AAK1: variants seen among roughly 807,000 people sequenced by gnomAD.
AAK1 encodes the protein AP2 associated kinase 1.
In AAK1, 37 loss-of-function variants were observed where a neutral mutation model predicts 116.0. The ratio of observed to expected loss-of-function variants is 0.32; its 90% CI spans 0.25 to 0.42. AAK1 has a LOEUF of 0.42. Ranked by LOEUF, AAK1 falls within the 10% of genes least tolerant of loss-of-function variation. The pLI, the probability that AAK1 is intolerant of heterozygous loss-of-function variation, is 1.00. For synonymous variants in AAK1, 458 were observed against 439.9 expected (o/e 1.04, Z -0.51); for missense variants, 919 against 1,170.6 (o/e 0.79, Z 3.14).
chr2:69,555,249 T>C (rs1443684607), intron 3 of AAK1, among the ~76,000 whole-genome samples: 1 of 152,186 alleles, frequency 6.6e-6, no homozygotes, highest in African/African-American at 2.4e-5. Context: ...GTGGAAGGCA[T>C]TGGTGCCTTA....
At position 69,643,692 on chromosome 2, in the gene AAK1, G is replaced by C. The variant is rs912609360; in HGVS notation, c.-352C>G. 23 of 1,219,824 alleles carry C rather than the reference G, an allele frequency of 1.9e-5. No individual in the cohort carries two copies. The highest frequency in any genetic ancestry group is 2.3e-5 in the Non-Finnish European group (23 of 980,482). The allele number at this position is 1,219,824 out of a possible 1,614,324, so 75.6% of individuals were successfully genotyped here. ...TGCAGCGAGAGCCGGGGCCGCGCTC[G>C]GCTCCCGCCCGCCCGCCAGCTGATC... is the stretch of plus-strand genomic sequence containing the variant. On this transcript the variant is annotated 5_prime_UTR_variant, in exon 1 of 22. Transcript: ENST00000409085.
intron 2 of AAK1, among the ~76,000 whole-genome samples, chr2:69,566,027 T>A (rs1572963179): frequency 6.6e-6 from 1 of 151,602 alleles, no homozygotes. Flanking sequence ...ACTATTCAGG[T>A]GGCAGAGTGT....
rs536158373 is a variant in AAK1 at position 69,474,528 on chromosome 2, T to C, written c.*1341A>G. On this transcript the variant is annotated 3_prime_UTR_variant, in exon 22 of 22. Coordinates refer to ENST00000409085, the MANE Select transcript of AAK1 (RefSeq NM_014911.5). ...ATATCCTAAAGTTAATAAAGAACTA[T>C]GCTTTATTATTTTTTTTTAATCTAG... The C allele has an allele frequency of 1.9e-3, 1,887 of 984,998 alleles. No individual in the cohort carries two copies. Among genetic ancestry groups the C allele is most frequent in the Non-Finnish European group, 2.1e-3 (1,775 of 829,510 alleles). 61.0% of individuals were successfully genotyped at this position (984,998 alleles called of 1,614,324 possible).
chr2:69,620,329 T>G (rs1206523584), intron 2 of AAK1, among the ~76,000 whole-genome samples: 1 of 152,186 alleles, frequency 6.6e-6, no homozygotes, highest in Non-Finnish European at 1.5e-5. Context: ...CATGAGGAAC[T>G]GCCCTCTCTT....
intron 3 of AAK1, among the ~76,000 whole-genome samples, chr2:69,553,574 G>C (rs1324007349): frequency 6.7e-6 from 1 of 149,272 alleles, no homozygotes; most frequent in African/African-American, 2.5e-5. Context: ...TTCCTGAATA[G>C]CTGGGATTAC....
intron 2 of AAK1, among the ~76,000 whole-genome samples, chr2:69,600,896 AC>A (rs2105194768): frequency 6.6e-6 from 1 of 151,848 alleles, no homozygotes; most frequent in East Asian, 1.9e-4. Context: ...TTCAGCAACC[AC>A]CCCCCTGGTC....
intron 17 of AAK1, among the ~76,000 whole-genome samples, chr2:69,489,577 G>A (rs1346467987): frequency 6.6e-6 from 1 of 151,952 alleles, no homozygotes; most frequent in Non-Finnish European, 1.5e-5. Flanking sequence ...AGGACTCACA[G>A]ACATGGAAGG....
chr2:69,563,951 T>C (rs1338815578), intron 2 of AAK1, among the ~76,000 whole-genome samples: 1 of 152,102 alleles, frequency 6.6e-6, no homozygotes, highest in Non-Finnish European at 1.5e-5. Flanking sequence ...CCCAGCACTT[T>C]GGGAGGCCGA....
chr2:69,505,629 G>C lies in AAK1; in HGVS notation c.2209C>G (p.Pro737Ala). 6.2e-7 allele frequency: 1 copy of C among 1,613,724 alleles called. No individual in the cohort carries two copies. Among genetic ancestry groups the C allele is most frequent in the Non-Finnish European group, 8.5e-7 (1 of 1,179,768 alleles). ...KLGGSAESLI[P>A]GFQSTQGDAF... is the part of the protein sequence containing the mutation. ...TCACCTTGGGTTGATTGAAAGCCTGGGATCAAACTCTCAGCTGAGCCTCCA... is the reference window on the plus strand; with the variant it reads ...TCACCTTGGGTTGATTGAAAGCCTGCGATCAAACTCTCAGCTGAGCCTCCA... Residue 737 changes from proline to alanine, a missense_variant, in exon 16 of 22, where the codon CCA becomes GCA. This residue lies in a region of AAK1 where 263 missense variants were observed against 285.5 expected (regional missense o/e 0.92). Coordinates refer to ENST00000409085, the MANE Select transcript of AAK1 (RefSeq NM_014911.5).
chr2:69,542,474 A>G (rs759738635), intron 5 of AAK1, 49 bp downstream of exon 5: 2 of 1,607,132 alleles, frequency 1.2e-6, no homozygotes, highest in South Asian at 1.1e-5. Flanking sequence ...CCTGGGGCAG[A>G]CAGAAAATAT....
chr2:69,561,768 G>A lies in AAK1; in HGVS notation c.164-4790C>T, dbSNP rs571094863. The stretch of plus-strand genomic sequence containing the variant: ...CTCCCCTCCCCTCCCTCACCACCCC[G>A]TGTATTAAATAACTTTGGATCTGCT... On this transcript the variant is annotated intron_variant, in intron 2 of 21. Transcript: ENST00000409085. Among the ~76,000 whole-genome samples the A allele has an allele frequency of 1.4e-4, 22 of 152,058 alleles. No homozygotes were observed. In the South Asian group the frequency reaches 2.5e-3, roughly 17 times the overall value.
At chr2:69,560,732 G>A (rs940438342) in intron 2 of AAK1, among the ~76,000 whole-genome samples, 5 of 152,058 alleles carry the variant, frequency 3.3e-5, no homozygotes, top group Admixed American at 6.5e-5. Flanking sequence ...CCTAATTGTT[G>A]ATGGAGATGT....
intron 13 of AAK1, among the ~76,000 whole-genome samples, chr2:69,509,905 T>A (rs1048134214): frequency 1.3e-5 from 2 of 152,186 alleles, no homozygotes; most frequent in African/African-American, 4.8e-5. Flanking sequence ...AATGAAGACG[T>A]ATCTCCAGCG....
At chr2:69,530,356 ATAAG>A (rs1203091580) in intron 7 of AAK1, among the ~76,000 whole-genome samples, 5 of 152,244 alleles carry the variant, frequency 3.3e-5, no homozygotes, top group Admixed American at 3.3e-4. Context: ...CCAGTAAATA[ATAAG>A]TATTTACCTG....
chr2:69,469,547 C>G lies in AAK1; in HGVS notation c.*6322G>C. On this transcript the variant is annotated 3_prime_UTR_variant, in exon 22 of 22. Transcript: ENST00000409085. ...GATTTATACTAACCTAACCACATGC[C>G]TTGACCCAGTTCCTTTGGTAACCAA... is the stretch of plus-strand genomic sequence containing the variant. 1 of 985,412 alleles carries G rather than the reference C, an allele frequency of 1.0e-6. No homozygotes were observed. The highest frequency in any genetic ancestry group is 1.2e-6 in the Non-Finnish European group (1 of 829,938). The allele number at this position is 985,412 out of a possible 1,614,324, so 61.0% of individuals were successfully genotyped here. A position where few individuals can be genotyped will look rare whatever the true frequency, so the allele number is the denominator to read the frequency against.
chr2:69,491,785 GTTT>G (rs1675531996), intron 17 of AAK1, among the ~76,000 whole-genome samples: 1 of 152,142 alleles, frequency 6.6e-6, no homozygotes, highest in Non-Finnish European at 1.5e-5. Flanking sequence ...CATAAGGTAG[GTTT>G]TAGTATTGCC....
intron 2 of AAK1, among the ~76,000 whole-genome samples, chr2:69,631,249 T>C (rs1229734686): frequency 6.6e-6 from 1 of 152,208 alleles, no homozygotes; most frequent in Non-Finnish European, 1.5e-5. Context: ...AATCTTTCTC[T>C]TACCCTAAAG....
intron 15 of AAK1, among the ~76,000 whole-genome samples, chr2:69,506,227 T>C (rs1676179797): frequency 6.6e-6 from 1 of 152,222 alleles, no homozygotes; most frequent in South Asian, 2.1e-4. Context: ...GGTACAAAAC[T>C]ACTACAATTT....
At chr2:69,541,566 T>C (rs1042273268) in intron 5 of AAK1, among the ~76,000 whole-genome samples, 4 of 152,184 alleles carry the variant, frequency 2.6e-5, no homozygotes, top group African/African-American at 9.7e-5. Flanking sequence ...AATTTTATAG[T>C]ATGTGAATTA....
Sources: allele counts gnomAD v4.1 joint callset (sites outside exome capture counted in the v4.1 genomes callset), GRCh38; gene constraint gnomAD v4.1.1; regional missense constraint gnomAD v4.1.1; transcripts MANE v1.5; gene names NCBI Gene and HGNC (gene_info 2026-07-23, HGNC 2026-07-21).